Variants in PRIM2 observed in about 807,000 individuals in gnomAD.
The protein encoded by PRIM2 is DNA primase subunit 2, also known as DNA primase large subunit.
PRIM2 carries 39 observed loss-of-function variants against 67.3 expected under a neutral mutation model. The ratio of observed to expected loss-of-function variants is 0.58; its 90% CI spans 0.45 to 0.76. The LOEUF (loss-of-function observed/expected upper bound fraction) is 0.76, where lower values mean the gene tolerates loss of function less well. Among genes scored for constraint, PRIM2 ranks in the 30% least tolerant of loss-of-function variants. The pLI is 0.00. For missense variants in PRIM2, 398 were observed against 598.7 expected, an observed-to-expected ratio of 0.66 and a Z score of 3.50; for synonymous variants, 143 against 198.7, an observed-to-expected ratio of 0.72 and a Z score of 2.36.
At chr6:57,391,542 T>C (rs2127347616) in intron 7 of PRIM2, among the ~76,000 whole-genome samples, 1 of 152,294 alleles carries the variant, frequency 6.6e-6, no homozygotes, top group Non-Finnish European at 1.5e-5. Context: ...GATTTTTATA[T>C]ATGGTATAAG....
chr6:57,630,878 A>G (rs1225771302), intron 12 of PRIM2, among the ~76,000 whole-genome samples: 3 of 152,204 alleles, frequency 2.0e-5, no homozygotes, highest in Non-Finnish European at 4.4e-5. Flanking sequence ...TTAAAAATGA[A>G]GAAAGTCTCA....
At chr6:57,571,312 T>C (rs1180829121) in intron 10 of PRIM2, among the ~76,000 whole-genome samples, 1 of 152,132 alleles carries the variant, frequency 6.6e-6, no homozygotes, top group African/African-American at 2.4e-5. Context: ...ATTATGTTTT[T>C]TCCTCATGAT....
intron 7 of PRIM2, among the ~76,000 whole-genome samples, chr6:57,448,123 G>A (rs9475972): frequency 0.067 from 10,211 of 152,142 alleles, 689 homozygotes; most frequent in African/African-American, 0.17. Flanking sequence ...CTCCAGTGCC[G>A]ATCTTTATTT....
At chr6:57,462,676 A>G (rs1410739303) in intron 7 of PRIM2, among the ~76,000 whole-genome samples, 1 of 152,062 alleles carries the variant, frequency 6.6e-6, no homozygotes, top group Non-Finnish European at 1.5e-5. Context: ...AGAGAACCCC[A>G]CTTACCTGGA....
intron 7 of PRIM2, among the ~76,000 whole-genome samples, chr6:57,483,332 C>T (rs1773674364): frequency 1.3e-5 from 2 of 152,106 alleles, no homozygotes; most frequent in Non-Finnish European, 2.9e-5. Flanking sequence ...ACAGCAGCAG[C>T]AGCAAGAAAG....
At chr6:57,408,655 A>G (rs1474219903) in intron 7 of PRIM2, among the ~76,000 whole-genome samples, 4 of 152,148 alleles carry the variant, frequency 2.6e-5, no homozygotes, top group African/African-American at 4.8e-5. Flanking sequence ...ATCATACACT[A>G]TGTATTCTTC....
chr6:57,550,122 A>G (rs1775371091), intron 10 of PRIM2, among the ~76,000 whole-genome samples: 2 of 152,146 alleles, frequency 1.3e-5, no homozygotes, highest in Admixed American at 6.5e-5. Context: ...TTTCTTGCAA[A>G]AATAGTCTAA....
chr6:57,289,018 G>A, the PRIM2 span, among the ~76,000 whole-genome samples: 3 of 152,176 alleles, frequency 2.0e-5, no homozygotes, highest in Admixed American at 1.3e-4. Flanking sequence ...AGCTAAAGGA[G>A]CATGTTCTAA....
At chr6:57,331,099 A>C (rs1364021975) in intron 5 of PRIM2, among the ~76,000 whole-genome samples, 1 of 151,804 alleles carries the variant, frequency 6.6e-6, no homozygotes, top group African/African-American at 2.4e-5. Context: ...GAGGCAGTAG[A>C]ATTGTTTGAA....
chr6:57,567,053 A>G (rs1775757424), intron 10 of PRIM2, among the ~76,000 whole-genome samples: 2 of 152,158 alleles, frequency 1.3e-5, no homozygotes, highest in East Asian at 1.9e-4. Flanking sequence ...TAAGTACTCA[A>G]TATCATTTTG....
intron 7 of PRIM2, among the ~76,000 whole-genome samples, chr6:57,456,281 G>A (rs1050600810): frequency 2.3e-4 from 35 of 152,040 alleles, no homozygotes; most frequent in Non-Finnish European, 2.8e-4. Flanking sequence ...TGCTCTTCTC[G>A]AGGAGTATCT....
chr6:57,321,504 T>G (rs1050737776), intron 3 of PRIM2, among the ~76,000 whole-genome samples: 2 of 151,662 alleles, frequency 1.3e-5, no homozygotes, highest in African/African-American at 4.9e-5. Flanking sequence ...ACAGTGGAAG[T>G]TAAGACATGA....
intron 12 of PRIM2, among the ~76,000 whole-genome samples, chr6:57,613,829 CTTTTT>C (rs1319203603): frequency 6.6e-6 from 1 of 151,504 alleles, no homozygotes; most frequent in African/African-American, 2.4e-5. Context: ...TATGTCTACT[CTTTTT>C]TTTTATTTAT....
the PRIM2 span, among the ~76,000 whole-genome samples, chr6:57,241,040 CG>C: frequency 1.3e-5 from 2 of 151,616 alleles, no homozygotes; most frequent in Non-Finnish European, 2.9e-5. Context: ...CTGGCTAACA[CG>C]GGTGAAACTC....
chr6:57,354,930 T>G (rs1356721451), intron 5 of PRIM2, among the ~76,000 whole-genome samples: 2 of 152,236 alleles, frequency 1.3e-5, no homozygotes, highest in Non-Finnish European at 2.9e-5. Context: ...TGGCTCTTTT[T>G]TCTTCCTGCT....
At chr6:57,557,485 G>T (rs1303280388) in intron 10 of PRIM2, among the ~76,000 whole-genome samples, 1 of 152,140 alleles carries the variant, frequency 6.6e-6, no homozygotes, top group African/African-American at 2.4e-5. Context: ...GATGGAGCTG[G>T]AGGCCATTAT....
intron 7 of PRIM2, chr6:57,382,738 TA>T (rs1770005964): frequency 6.6e-6 from 1 of 152,204 alleles, no homozygotes; most frequent in East Asian, 1.9e-4. Flanking sequence ...TACACATTTT[TA>T]TATGTAAAAC....
At chr6:57,255,664 A>T in the PRIM2 span, among the ~76,000 whole-genome samples, 1 of 152,168 alleles carries the variant, frequency 6.6e-6, no homozygotes, top group African/African-American at 2.4e-5. Context: ...AAATAACCAC[A>T]ATATACAGCA....
chr6:57,229,243 T>A, the PRIM2 span, among the ~76,000 whole-genome samples: 1 of 152,194 alleles, frequency 6.6e-6, no homozygotes, highest in Non-Finnish European at 1.5e-5. Context: ...ACCCCTCTTA[T>A]AATTTTCATA....
Sources: allele counts gnomAD v4.1 joint callset (sites outside exome capture counted in the v4.1 genomes callset), GRCh38; gene constraint gnomAD v4.1.1; transcripts MANE v1.5; gene names NCBI Gene and HGNC (gene_info 2026-07-23, HGNC 2026-07-21).